Variants in DDC observed in about 807,000 individuals in gnomAD.
DDC encodes aromatic-L-amino-acid decarboxylase.
A neutral mutation model predicts 60.0 loss-of-function variants in DDC; 43 were observed. The observed-to-expected ratio is 0.72, with a 90% CI of 0.56 to 0.92. The LOEUF is 0.92. DDC is among the 40% of genes least tolerant of loss of function. The pLI is 0.00. For missense variants in DDC, 573 were observed against 620.2 expected, an observed-to-expected ratio of 0.92 and a Z score of 0.81; for synonymous variants, 232 against 234.6, an observed-to-expected ratio of 0.99 and a Z score of 0.10.
chr7:50,474,158 G>A (rs528653393), intron 11 of DDC, among the ~76,000 whole-genome samples: 59 of 152,358 alleles, frequency 3.9e-4, no homozygotes, highest in Admixed American at 6.5e-4. Context: ...TTCCTTAACC[G>A]AGGCCAATGC....
intron 4 of DDC, among the ~76,000 whole-genome samples, chr7:50,535,177 A>G (rs1421401872): frequency 6.7e-6 from 1 of 148,194 alleles, no homozygotes; most frequent in Non-Finnish European, 1.5e-5. Context: ...TTTTTTCTTG[A>G]TGGAGTTTCC....
chr7:50,466,399 C>T (rs955994113), intron 13 of DDC, among the ~76,000 whole-genome samples: 2 of 148,618 alleles, frequency 1.3e-5, no homozygotes, highest in African/African-American at 4.9e-5. Context: ...GCAGGAGAAT[C>T]ACTTGAACCC....
intron 1 of DDC, among the ~76,000 whole-genome samples, chr7:50,562,083 T>C (rs1226468914): frequency 6.6e-6 from 1 of 152,278 alleles, no homozygotes; most frequent in South Asian, 2.1e-4. Flanking sequence ...AGGAGAGCCA[T>C]CCATCCTCTG....
At chr7:50,462,243 A>AG (rs1283692512) in intron 14 of DDC, among the ~76,000 whole-genome samples, 3 of 150,548 alleles carry the variant, frequency 2.0e-5, no homozygotes, top group South Asian at 2.1e-4. Flanking sequence ...AAAAAAAAAA[A>AG]AAAAAGAAAA....
At chr7:50,505,345 T>C (rs2043363167) in intron 6 of DDC, among the ~76,000 whole-genome samples, 1 of 152,266 alleles carries the variant, frequency 6.6e-6, no homozygotes, top group Non-Finnish European at 1.5e-5. Context: ...GCCTAATTGA[T>C]TTATGGATGT....
chr7:50,518,887 C>T (rs117149681), intron 6 of DDC, among the ~76,000 whole-genome samples: 13,544 of 152,188 alleles, frequency 0.089, 960 homozygotes, highest in South Asian at 0.14. Flanking sequence ...AGATAAATGG[C>T]TGGGACCTAA....
chr7:50,545,335 T>C (rs966306934), intron 1 of DDC, among the ~76,000 whole-genome samples: 1 of 152,206 alleles, frequency 6.6e-6, no homozygotes, highest in Non-Finnish European at 1.5e-5. Context: ...AGAATTTGCA[T>C]AGGTGGAATA....
In DDC at chr7:50,460,042, G is replaced by A. The variant is rs567693547; in HGVS notation, c.*19-1199C>T. ...TCCCCTCTGCCCGGCCAGCTGCCCC[G>A]TCCGGGAAGGAGGTGGGGGGGGTCA... On this transcript the variant is annotated intron_variant, in intron 14 of 14. Transcript: ENST00000444124. Among the ~76,000 whole-genome samples the A allele has an allele frequency of 3.3e-4, 46 of 138,778 alleles. 1 individual carries two copies. The highest frequency in any genetic ancestry group is 4.5e-4 in the Non-Finnish European group (29 of 64,662). The allele number at this position is 138,778 out of a possible 152,430, so 91.0% of individuals were successfully genotyped here.
intron 11 of DDC, among the ~76,000 whole-genome samples, chr7:50,476,207 T>G (rs1585150757): frequency 6.6e-6 from 1 of 152,212 alleles, no homozygotes; most frequent in South Asian, 2.1e-4. Flanking sequence ...AGAGGACCAA[T>G]GCATTTGAGA....
chr7:50,497,657 G>C (rs1369227995), intron 8 of DDC, among the ~76,000 whole-genome samples: 1 of 152,198 alleles, frequency 6.6e-6, no homozygotes, highest in East Asian at 1.9e-4. Context: ...AACTATATCA[G>C]CTGGGTACTG....
intron 1 of DDC, among the ~76,000 whole-genome samples, chr7:50,558,392 G>A (rs960007127): frequency 6.6e-6 from 1 of 152,164 alleles, no homozygotes; most frequent in African/African-American, 2.4e-5. Context: ...TACATTCACA[G>A]TGAATGCTTC....
Position 50,537,972 on chromosome 7 carries a change from C to T in DDC, c.323G>A (p.Ser108Asn), listed in dbSNP as rs2044473963. 5.6e-6 allele frequency: 9 copies of T among 1,614,178 alleles called. No individual in the cohort carries two copies. The highest frequency in any genetic ancestry group is 1.3e-5 in the African/African-American group (1 of 75,034). ...AGTCTCCAGCTCTGTGCATGCTGGGCTTGCCGCCTGTCGTGGGGGAAGGGA... is the reference window on the plus strand; with the variant it reads ...AGTCTCCAGCTCTGTGCATGCTGGGTTTGCCGCCTGTCGTGGGGGAAGGGA... ...IGCIGFSWAASPACTELETVM... is the reference protein window; with the variant it reads ...IGCIGFSWAANPACTELETVM... Residue 108 changes from serine to asparagine, a missense_variant, in exon 4 of 15, where the codon AGC (serine) becomes AAC (asparagine). Transcript: ENST00000444124.
intron 8 of DDC, among the ~76,000 whole-genome samples, chr7:50,496,766 A>C (rs1351233478): frequency 1.3e-5 from 2 of 152,066 alleles, no homozygotes; most frequent in African/African-American, 4.8e-5. Flanking sequence ...TCCTACTGGG[A>C]AACTTTTCAG....
At chr7:50,459,072 TCA>T (rs1388339480) in intron 14 of DDC, among the ~76,000 whole-genome samples, 6 of 152,200 alleles carry the variant, frequency 3.9e-5, no homozygotes, top group Non-Finnish European at 7.3e-5. Context: ...TTCTCCTGCC[TCA>T]GCCTGCCGAG....
At chr7:50,476,588 C>G (rs1168698778) in intron 11 of DDC, 36 bp downstream of exon 11, 10 of 1,593,700 alleles carry the variant, frequency 6.3e-6, no homozygotes, top group Non-Finnish European at 8.6e-6. Flanking sequence ...CAGCACTCCA[C>G]TAGCATTTGA....
chr7:50,508,996 T>C (rs1015094824), intron 6 of DDC, among the ~76,000 whole-genome samples: 2 of 152,178 alleles, frequency 1.3e-5, no homozygotes, highest in African/African-American at 4.8e-5. Flanking sequence ...ACAGCTCCTG[T>C]GTTCTCTCTC....
chr7:50,504,175 A>C, intron 6 of DDC, 116 bp from the exon 7 acceptor site: 2 of 754,084 alleles, frequency 2.7e-6, no homozygotes, highest in South Asian at 2.8e-5. Flanking sequence ...CGAGATCCCA[A>C]TGAATGTCTG....
intron 1 of DDC, among the ~76,000 whole-genome samples, chr7:50,554,057 C>A (rs188945550): frequency 2.0e-4 from 30 of 152,262 alleles, no homozygotes; most frequent in Admixed American, 1.0e-3. Flanking sequence ...AATCTAAATC[C>A]GCTCACAAGT....
chr7:50,558,084 C>A (rs569698609), intron 1 of DDC, among the ~76,000 whole-genome samples: 3 of 151,714 alleles, frequency 2.0e-5, no homozygotes, highest in Non-Finnish European at 2.9e-5. Flanking sequence ...ATCACCCCCC[C>A]CCTTACAAAT....
Sources: gnomAD v4.1 joint callset for allele counts (sites outside exome capture counted in the v4.1 genomes callset) on GRCh38, gnomAD v4.1.1 for gene constraint, MANE v1.5 for transcripts, NCBI Gene and HGNC (gene_info 2026-07-23, HGNC 2026-07-21) for gene names.